PVT1: variants seen among roughly 807,000 people sequenced by gnomAD.
The protein encoded by PVT1 is CXCR4/PVT1 fusion.
At chr8:127,955,960 T>G (rs1418454012) in intron 3 of PVT1, among the ~76,000 whole-genome samples, 1 of 152,224 alleles carries the variant, frequency 6.6e-6, no homozygotes, top group Non-Finnish European at 1.5e-5. Context: ...GCCCAATTAG[T>G]TTCTGCAAGG....
intron 5 of PVT1, among the ~76,000 whole-genome samples, chr8:128,092,246 C>T (rs2130169418): frequency 6.6e-6 from 1 of 152,212 alleles, no homozygotes; most frequent in East Asian, 1.9e-4. Flanking sequence ...TCTGAAACTC[C>T]CTAGTCCTGT....
At chr8:127,901,328 G>T (rs551618500) in intron 3 of PVT1, among the ~76,000 whole-genome samples, 1 of 152,280 alleles carries the variant, frequency 6.6e-6, no homozygotes, top group East Asian at 1.9e-4. Context: ...GCAGGAAGAG[G>T]GGTGGGGGAC....
chr8:127,894,166 A>G (rs1367615638), intron 3 of PVT1, among the ~76,000 whole-genome samples: 2 of 152,104 alleles, frequency 1.3e-5, no homozygotes, highest in Admixed American at 6.5e-5. Context: ...CTGCCCTGCC[A>G]CCTACACTGA....
chr8:127,819,150 C>T (rs1457836402), intron 2 of PVT1, among the ~76,000 whole-genome samples: 2 of 152,184 alleles, frequency 1.3e-5, no homozygotes, highest in African/African-American at 2.4e-5. Context: ...AATCCGTGCT[C>T]GGTAAATCAT....
intron 3 of PVT1, among the ~76,000 whole-genome samples, chr8:127,964,741 G>A (rs1231421595): frequency 1.3e-5 from 2 of 152,008 alleles, no homozygotes; most frequent in African/African-American, 4.8e-5. Context: ...CCTTCTCTAT[G>A]TCCGTCTCTC....
chr8:128,000,673 G>A (rs529872130), intron 4 of PVT1, among the ~76,000 whole-genome samples: 4 of 152,344 alleles, frequency 2.6e-5, no homozygotes, highest in East Asian at 1.9e-4. Context: ...CAGTGTCACC[G>A]TAGCAATACT....
intron 4 of PVT1, among the ~76,000 whole-genome samples, chr8:128,004,442 G>C (rs1817222327): frequency 1.3e-5 from 2 of 152,150 alleles, no homozygotes; most frequent in African/African-American, 4.8e-5. Context: ...AGCTGGGTCT[G>C]CCTTGTCCCC....
chr8:127,866,713 C>T (rs988365251), intron 2 of PVT1, among the ~76,000 whole-genome samples: 1 of 152,126 alleles, frequency 6.6e-6, no homozygotes, highest in Admixed American at 6.5e-5. Flanking sequence ...TTCAGTTAAT[C>T]ACTGGTGAAG....
chr8:128,078,135 G>C (rs1814115682), intron 5 of PVT1, among the ~76,000 whole-genome samples: 1 of 152,162 alleles, frequency 6.6e-6, no homozygotes, highest in Non-Finnish European at 1.5e-5. Context: ...TCCACGATTA[G>C]AAATGTCACA....
At chr8:128,034,631 A>T (rs2130076805) in intron 4 of PVT1, among the ~76,000 whole-genome samples, 1 of 152,340 alleles carries the variant, frequency 6.6e-6, no homozygotes, top group Middle Eastern at 3.4e-3. Context: ...AAATGTAGGT[A>T]CAAGCAGGGG....
chr8:127,895,452 C>T (rs374386133), intron 3 of PVT1, among the ~76,000 whole-genome samples: 3 of 152,156 alleles, frequency 2.0e-5, no homozygotes, highest in East Asian at 1.9e-4. Flanking sequence ...GCCTGCGTGA[C>T]AAACTGAGAC....
intron 3 of PVT1, chr8:127,983,981 T>A (rs1586466909): frequency 6.7e-6 from 1 of 149,324 alleles, no homozygotes. Flanking sequence ...CGGGTTCAAG[T>A]GATCCTCCTG....
intron 4 of PVT1, among the ~76,000 whole-genome samples, chr8:128,026,489 G>A (rs902203077): frequency 2.6e-5 from 4 of 152,104 alleles, no homozygotes; most frequent in African/African-American, 9.7e-5. Context: ...GAGGCTCACA[G>A]AGGAGAAATA....
At position 127,921,854 on chromosome 8, in the gene PVT1, G is replaced by GTTTTTTTTTTTTTTTTTTTTTTTTTTTT. The variant is rs71300279; in HGVS notation, n.782+30880_782+30881insTTTTTTTTTTTTTTTTTTTTTTTTTTTT. On this transcript the variant is annotated intron_variant and non_coding_transcript_variant, in intron 3 of 10. Transcript: ENST00000651587. The stretch of plus-strand genomic sequence containing the variant: ...AAAAAAATTATAATTTTTGGTTCAT[G>GTTTTTTTTTTTTTTTTTTTTTTTTTTTT]TTTTTTTTTTTTTTTTTTTTTTTTG... Among the ~76,000 whole-genome samples, 7 of 71,906 alleles carry GTTTTTTTTTTTTTTTTTTTTTTTTTTTT rather than the reference G, an allele frequency of 9.7e-5. 1 individual carries two copies. The highest frequency in any genetic ancestry group is 2.4e-4 in the African/African-American group (4 of 16,482). The allele number at this position is 71,906 out of a possible 152,430, so 47.2% of individuals were successfully genotyped here.
chr8:127,908,222 C>T (rs1815846348), intron 3 of PVT1, among the ~76,000 whole-genome samples: 1 of 152,152 alleles, frequency 6.6e-6, no homozygotes, highest in Non-Finnish European at 1.5e-5. Context: ...CTGGGCATCC[C>T]AGGCTTTGTA....
rs1586475896 is a variant in PVT1 at position 128,001,976 on chromosome 8, A to G, written n.912+12685A>G. On this transcript the variant is annotated intron_variant and non_coding_transcript_variant, in intron 4 of 10. Transcript: ENST00000651587. ...TTGAGGGTTAGGATTTCAACTATGA[A>G]CTTTGGGGAGACACCGACATTCAGA... is the stretch of plus-strand genomic sequence containing the variant. 3.9e-5 allele frequency among the ~76,000 whole-genome samples: 6 copies of G among 152,264 alleles called. No homozygotes were observed. In the South Asian group the frequency reaches 1.2e-3, roughly 32 times the overall value.
At chr8:127,990,192 G>A (rs1420151745) in intron 4 of PVT1, among the ~76,000 whole-genome samples, 1 of 152,120 alleles carries the variant, frequency 6.6e-6, no homozygotes, top group African/African-American at 2.4e-5. Flanking sequence ...CCAAAGCAGA[G>A]TTGATTCCCC....
chr8:127,872,665 T>A (rs1373396391), intron 2 of PVT1, among the ~76,000 whole-genome samples: 1 of 152,212 alleles, frequency 6.6e-6, no homozygotes, highest in Non-Finnish European at 1.5e-5. Context: ...GACCTTTCCG[T>A]AGAATGTCAT....
chr8:127,910,542 A>C (rs992873060), intron 3 of PVT1, among the ~76,000 whole-genome samples: 2 of 152,212 alleles, frequency 1.3e-5, no homozygotes, highest in African/African-American at 4.8e-5. Flanking sequence ...TGTGATTGAT[A>C]ACTCATGAAG....
Sources: gnomAD v4.1 joint callset for allele counts (sites outside exome capture counted in the v4.1 genomes callset) on GRCh38, gnomAD v4.1.1 for gene constraint, MANE v1.5 for transcripts, NCBI Gene and HGNC (gene_info 2026-07-23, HGNC 2026-07-21) for gene names.